Variants in NCOA1 observed in about 807,000 individuals in gnomAD.
The protein encoded by NCOA1 is Hin-2 protein.
A neutral mutation model predicts 150.9 loss-of-function variants in NCOA1; 35 were observed. That is an observed-to-expected ratio of 0.23 (90% confidence interval 0.18 to 0.31). The LOEUF (loss-of-function observed/expected upper bound fraction) is 0.31, where lower values mean the gene tolerates loss of function less well. Among genes scored for constraint, NCOA1 ranks in the 10% least tolerant of loss-of-function variants. The pLI is 1.00. For missense variants in NCOA1, 1,491 were observed against 1,749.3 expected, an observed-to-expected ratio of 0.85 and a Z score of 2.63; for synonymous variants, 590 against 630.0, an observed-to-expected ratio of 0.94 and a Z score of 0.95.
At chr2:24,640,573 C>T (rs909620466) in intron 3 of NCOA1, among the ~76,000 whole-genome samples, 4 of 152,064 alleles carry the variant, frequency 2.6e-5, no homozygotes, top group African/African-American at 9.7e-5. Context: ...TTTGGGAGGC[C>T]ACAGGAGGAG....
chr2:24,611,525 G>A (rs893434807), intron 3 of NCOA1, among the ~76,000 whole-genome samples: 6 of 152,106 alleles, frequency 3.9e-5, no homozygotes, highest in Admixed American at 3.3e-4. Context: ...CCTCCATACC[G>A]TTTCCCATAG....
At chr2:24,724,013 T>C (rs1425936908) in intron 14 of NCOA1, among the ~76,000 whole-genome samples, 2 of 152,200 alleles carry the variant, frequency 1.3e-5, no homozygotes, top group Non-Finnish European at 2.9e-5. Context: ...TTTTTCTATA[T>C]CCTAATCTTG....
chr2:24,534,543 G>A (rs1002697664), intron 1 of NCOA1, among the ~76,000 whole-genome samples: 1 of 151,720 alleles, frequency 6.6e-6, no homozygotes. Flanking sequence ...TGTAATGTTA[G>A]GGTGTCAATT....
intron 3 of NCOA1, among the ~76,000 whole-genome samples, chr2:24,627,346 T>C (rs1572510495): frequency 6.6e-6 from 1 of 152,178 alleles, no homozygotes; most frequent in Admixed American, 6.5e-5. Flanking sequence ...TAAAAGGTAA[T>C]ATGTAATTTA....
intron 1 of NCOA1, among the ~76,000 whole-genome samples, chr2:24,542,753 C>T (rs1281352043): frequency 1.3e-5 from 2 of 152,070 alleles, no homozygotes; most frequent in Non-Finnish European, 2.9e-5. Context: ...AGAGAGATTT[C>T]CAGACAGACA....
intron 15 of NCOA1, 99 bp downstream of exon 15, chr2:24,726,805 G>T: frequency 3.9e-6 from 2 of 511,502 alleles, no homozygotes; most frequent in Non-Finnish European, 3.3e-6. Context: ...GTGGTATTTT[G>T]TGAGATATTA....
At chr2:24,718,541 C>T (rs1399365824) in intron 14 of NCOA1, among the ~76,000 whole-genome samples, 1 of 151,846 alleles carries the variant, frequency 6.6e-6, no homozygotes, top group Non-Finnish European at 1.5e-5. Context: ...TTCAAAATAG[C>T]CCCAAACTGG....
At position 24,707,266 on chromosome 2, in the gene NCOA1, A is replaced by C. The variant is rs1272577285; in HGVS notation, c.1796A>C (p.Asp599Ala). 1 of 1,614,246 alleles carries C rather than the reference A, an allele frequency of 6.2e-7. No homozygotes were observed. The highest frequency in any genetic ancestry group is 8.5e-7 in the Non-Finnish European group (1 of 1,180,040). ...ATTTTAAATGAAATGATTCAATCTG[A>C]CAACAGCTCTAGTGATGGCAAACCT... ...ASILNEMIQSDNSSSDGKPLD... is the reference protein window; with the variant it reads ...ASILNEMIQSANSSSDGKPLD... Residue 599 changes from aspartate to alanine, a missense_variant, in exon 13 of 23, where the codon GAC (aspartate) becomes GCC (alanine). Around this residue, in one of 8 missense-constraint regions of NCOA1, gnomAD observed 703 missense variants for 717.7 expected, o/e 0.98. Coordinates refer to ENST00000348332, the MANE Select transcript of NCOA1 (RefSeq NM_003743.5).
At chr2:24,522,044 T>A (rs1469760791) in intron 1 of NCOA1, among the ~76,000 whole-genome samples, 1 of 152,138 alleles carries the variant, frequency 6.6e-6, no homozygotes, top group African/African-American at 2.4e-5. Context: ...TTATATATTT[T>A]ATTGTTTGCC....
chr2:24,707,283 G>A lies in NCOA1; in HGVS notation c.1813G>A (p.Gly605Ser), dbSNP rs980749080. The change falls in exon 13 of 23, where the codon GGC becomes AGC. Residue 605 changes from glycine (G) to serine (S), a missense_variant. Gly to Ser is a moderately conservative substitution (Grantham distance 56). This residue lies in a region of NCOA1 where 703 missense variants were observed against 717.7 expected (regional missense o/e 0.98). Coordinates refer to ENST00000348332, the MANE Select transcript of NCOA1 (RefSeq NM_003743.5). ...MIQSDNSSSD[G>S]KPLDSGLLHN... ...TCAATCTGACAACAGCTCTAGTGATGGCAAACCTCTGGATTCAGGGCTTCT... is the reference window on the plus strand; with the variant it reads ...TCAATCTGACAACAGCTCTAGTGATAGCAAACCTCTGGATTCAGGGCTTCT... 4 of 1,614,160 alleles carry A rather than the reference G, an allele frequency of 2.5e-6. No homozygotes were observed. The highest frequency in any genetic ancestry group is 3.4e-6 in the Non-Finnish European group (4 of 1,180,034).
At chr2:24,624,098 C>A (rs915535487) in intron 3 of NCOA1, among the ~76,000 whole-genome samples, 1 of 152,084 alleles carries the variant, frequency 6.6e-6, no homozygotes, top group Non-Finnish European at 1.5e-5. Context: ...AAAATTGGTG[C>A]CTTCTCATAA....
At chr2:24,709,110 C>T (rs1390128136) in intron 13 of NCOA1, among the ~76,000 whole-genome samples, 3 of 151,934 alleles carry the variant, frequency 2.0e-5, no homozygotes, top group African/African-American at 7.3e-5. Flanking sequence ...TTTCTTGGTA[C>T]AATGAAACTA....
At chr2:24,665,644 C>G in intron 5 of NCOA1, 105 bp from the exon 6 acceptor site, 1 of 934,774 alleles carries the variant, frequency 1.1e-6, no homozygotes, top group Non-Finnish European at 1.4e-6. Context: ...TTTATATTTT[C>G]GATAAAAATA....
At chr2:24,705,318 A>G (rs930287507) in intron 12 of NCOA1, 85 bp downstream of exon 12, 6 of 1,376,780 alleles carry the variant, frequency 4.4e-6, no homozygotes, top group Non-Finnish European at 6.0e-6. Context: ...CTTGATGGCT[A>G]GAAAGCAGAA....
intron 1 of NCOA1, among the ~76,000 whole-genome samples, chr2:24,562,627 G>A (rs928069264): frequency 6.6e-6 from 1 of 152,206 alleles, no homozygotes; most frequent in African/African-American, 2.4e-5. Flanking sequence ...TTGCTGCACA[G>A]CATTCGGAGT....
chr2:24,629,528 A>G (rs1347200881), intron 3 of NCOA1, among the ~76,000 whole-genome samples: 3 of 146,438 alleles, frequency 2.0e-5, no homozygotes, highest in African/African-American at 7.5e-5. Context: ...GAATGTAAAC[A>G]TTTATATCTT....
intron 3 of NCOA1, among the ~76,000 whole-genome samples, chr2:24,594,237 T>C (rs1333354998): frequency 6.6e-6 from 1 of 152,168 alleles, no homozygotes; most frequent in East Asian, 1.9e-4. Context: ...AAATGGTAAT[T>C]TGTAATTTAT....
At chr2:24,686,974 C>T (rs1304642013) in intron 8 of NCOA1, among the ~76,000 whole-genome samples, 1 of 151,790 alleles carries the variant, frequency 6.6e-6, no homozygotes, top group African/African-American at 2.4e-5. Context: ...TTTTGTACAA[C>T]TTAGATATAC....
chr2:24,658,982 CT>C, intron 5 of NCOA1: 3 of 514,838 alleles, frequency 5.8e-6, no homozygotes, highest in Non-Finnish European at 1.1e-5. Context: ...CCTACTCATC[CT>C]TCAGATGCCA....
Sources: allele counts gnomAD v4.1 joint callset (sites outside exome capture counted in the v4.1 genomes callset), GRCh38; gene constraint gnomAD v4.1.1; regional missense constraint gnomAD v4.1.1; transcripts MANE v1.5; gene names NCBI Gene and HGNC (gene_info 2026-07-23, HGNC 2026-07-21).